FBXO17: variants seen among roughly 807,000 people sequenced by gnomAD.
FBXO17 encodes the protein F-box protein 17.
In FBXO17, 43 loss-of-function variants were observed where a neutral mutation model predicts 34.1. The observed-to-expected ratio is 1.26, with a 90% CI of 0.99 to 1.62. The LOEUF (loss-of-function observed/expected upper bound fraction) is 1.62. FBXO17 is among the 40% of genes most tolerant of loss of function. The probability of loss-of-function intolerance (pLI) is 0.00; values close to 1 mark genes in which losing one functional copy is unlikely to be tolerated. For missense variants in FBXO17, 424 were observed against 386.7 expected (o/e 1.10, Z -0.81); for synonymous variants, 169 against 166.0 (o/e 1.02, Z -0.14).
intron 1 of FBXO17, among the ~76,000 whole-genome samples, chr19:38,957,545 C>T (rs1459017881): frequency 6.6e-6 from 1 of 152,152 alleles, no homozygotes; most frequent in African/African-American, 2.4e-5. Flanking sequence ...AGGGTTTCAC[C>T]ATGTTGGCCA....
intron 1 of FBXO17, among the ~76,000 whole-genome samples, chr19:38,967,977 C>A (rs1201111200): frequency 1.3e-5 from 2 of 151,764 alleles, no homozygotes; most frequent in African/African-American, 4.8e-5. Context: ...GAAACTGGAA[C>A]CCTCAGGCAT....
chr19:38,952,424 G>A lies in FBXO17; in HGVS notation c.-17-2088C>T, dbSNP rs114063330. The A allele has an allele frequency of 2.0e-3, 848 of 429,454 alleles. 7 individuals carry two copies. The highest frequency in any genetic ancestry group is 0.015 in the African/African-American group (756 of 48,872). 26.6% of individuals were successfully genotyped at this position (429,454 alleles called of 1,614,324 possible). On this transcript the variant is annotated intron_variant, in intron 1 of 5. Coordinates refer to ENST00000292852, the MANE Select transcript of FBXO17 (RefSeq NM_024907.7). Reference sequence around the variant, plus strand: ...CTCTTCTTGCCTCAGTTACTTCTCTGAACATTCCTACCACCTTCTTGCTCT... The same window carrying A: ...CTCTTCTTGCCTCAGTTACTTCTCTAAACATTCCTACCACCTTCTTGCTCT...
At chr19:38,944,671 A>G (rs1974946006) in intron 5 of FBXO17, 3 of 366,902 alleles carry the variant, frequency 8.2e-6, no homozygotes, top group Admixed American at 4.4e-5. Flanking sequence ...CTGTTTCCTC[A>G]ACTCTAGAAT....
intron 1 of FBXO17, among the ~76,000 whole-genome samples, chr19:38,954,303 T>C (rs1026858527): frequency 3.3e-5 from 5 of 152,184 alleles, no homozygotes; most frequent in Non-Finnish European, 7.3e-5. Context: ...GGAGTCTCGA[T>C]CTGTGGCCTA....
At chr19:38,951,025 C>T (rs1312816440) in intron 1 of FBXO17, among the ~76,000 whole-genome samples, 4 of 151,962 alleles carry the variant, frequency 2.6e-5, no homozygotes, top group South Asian at 2.1e-4. Context: ...CTCCTGACTT[C>T]GTGATCCACC....
chr19:38,949,834 G>C, intron 2 of FBXO17, 137 bp downstream of exon 2: 1 of 1,103,686 alleles, frequency 9.1e-7, no homozygotes, highest in Non-Finnish European at 1.2e-6. Flanking sequence ...CCCAGGCACT[G>C]CGTCCCTCAG....
intron 1 of FBXO17, chr19:38,952,724 T>C (rs1975103822): frequency 2.0e-6 from 1 of 492,910 alleles, no homozygotes; most frequent in Admixed American, 2.2e-5. Context: ...ACCTCTCTGT[T>C]CCCTGACCTC....
At chr19:38,974,217 G>A (rs1725569130) in intron 1 of FBXO17, among the ~76,000 whole-genome samples, 1 of 151,392 alleles carries the variant, frequency 6.6e-6, no homozygotes, top group Non-Finnish European at 1.5e-5. Context: ...GAGTAGCTGG[G>A]ATTACAGGCG....
intron 1 of FBXO17, among the ~76,000 whole-genome samples, chr19:38,953,499 C>T (rs28479912): frequency 0.12 from 17,858 of 151,416 alleles, 1,216 homozygotes; most frequent in African/African-American, 0.18. Flanking sequence ...CCCATCTCTA[C>T]TAAAAATACA....
intron 1 of FBXO17, among the ~76,000 whole-genome samples, chr19:38,954,584 T>TG (rs1262911181): frequency 2.7e-5 from 4 of 146,722 alleles, no homozygotes; most frequent in African/African-American, 1.0e-4. Context: ...ATGTGTTTTT[T>TG]TTTTTTTTTT....
intron 1 of FBXO17, among the ~76,000 whole-genome samples, chr19:38,957,071 GACCAA>G (rs1327117927): frequency 6.6e-6 from 1 of 151,850 alleles, no homozygotes; most frequent in Non-Finnish European, 1.5e-5. Flanking sequence ...ACTTTACAAA[GACCAA>G]GCTGTGCTTT....
intron 1 of FBXO17, among the ~76,000 whole-genome samples, chr19:38,958,106 A>C (rs1279674610): frequency 1.1e-5 from 1 of 90,818 alleles, no homozygotes; most frequent in Non-Finnish European, 2.3e-5. Flanking sequence ...ATCCTGCCTC[A>C]AAAAAAAAAA....
At position 38,975,112 on chromosome 19, in the gene FBXO17, T is replaced by C. The variant is rs972720252; in HGVS notation, c.-18+474A>G. 6.6e-6 allele frequency among the ~76,000 whole-genome samples: 1 copy of C among 152,194 alleles called. No individual in the cohort carries two copies. Among genetic ancestry groups the C allele is most frequent in the Admixed American group, 6.6e-5 (1 of 15,252 alleles). On this transcript the variant is annotated intron_variant, in intron 1 of 5. Transcript: ENST00000292852. This position sits in a 1 kb window ranked among gnomAD's most constrained non-coding sequence, Gnocchi z 4.9. ...TGGGGCCGCAGCGAAACACATAATG[T>C]GCCCAAGTTGCTAAATCGAGAAACC...
At chr19:38,957,294 AG>A (rs1975179439) in intron 1 of FBXO17, among the ~76,000 whole-genome samples, 1 of 152,188 alleles carries the variant, frequency 6.6e-6, no homozygotes, top group South Asian at 2.1e-4. Context: ...GATGTGCACC[AG>A]AGTTTAGTTT....
chr19:38,958,771 T>G (rs10402813), intron 1 of FBXO17, among the ~76,000 whole-genome samples: 24,912 of 152,116 alleles, frequency 0.16, 2,602 homozygotes, highest in African/African-American at 0.29. Context: ...TCTGACACGC[T>G]TTTTCAGTTC....
intron 1 of FBXO17, among the ~76,000 whole-genome samples, chr19:38,953,322 G>T (rs1405039290): frequency 6.7e-6 from 1 of 149,520 alleles, no homozygotes; most frequent in African/African-American, 2.5e-5. Context: ...AAAATAAAAA[G>T]AATAGCAAAA....
At chr19:38,974,035 T>TATATATATATACACATATATATACACAC (rs1568447819) in intron 1 of FBXO17, among the ~76,000 whole-genome samples, 4 of 62,944 alleles carry the variant, frequency 6.4e-5, no homozygotes, top group East Asian at 4.2e-4. Context: ...TATATATACA[T>TATATATATATACACATATATATACACAC]ATATATATAT....
At chr19:38,943,099 C>G (rs984734808) in intron 5 of FBXO17, among the ~76,000 whole-genome samples, 1 of 151,928 alleles carries the variant, frequency 6.6e-6, no homozygotes, top group South Asian at 2.1e-4. Flanking sequence ...AGGAACGGCC[C>G]GCGCAAAGGC....
At chr19:38,960,781 T>G (rs556880187) in intron 1 of FBXO17, among the ~76,000 whole-genome samples, 45 of 148,832 alleles carry the variant, frequency 3.0e-4, no homozygotes, top group Admixed American at 5.5e-4. Flanking sequence ...GTGCTGGGAC[T>G]ACAGGCATGA....
Sources: allele counts gnomAD v4.1 joint callset (sites outside exome capture counted in the v4.1 genomes callset), GRCh38; gene constraint gnomAD v4.1.1; non-coding constraint Gnocchi (gnomAD v3.1); transcripts MANE v1.5; gene names NCBI Gene and HGNC (gene_info 2026-07-23, HGNC 2026-07-21).